Variants in FGF12 observed in about 807,000 individuals in gnomAD.
FGF12 encodes the protein fibroblast growth factor 12.
Under a neutral mutation model 23.6 loss-of-function variants are expected in FGF12, and 14 were observed. The ratio of observed to expected loss-of-function variants is 0.59; its 90% CI spans 0.39 to 0.93. The LOEUF (loss-of-function observed/expected upper bound fraction) is 0.93. Among genes scored for constraint, FGF12 ranks in the 40% least tolerant of loss-of-function variants. The pLI is 0.00. For missense variants in FGF12, 175 were observed against 217.8 expected (o/e 0.80, Z 1.24); for synonymous variants, 62 against 77.3 (o/e 0.80, Z 1.04).
At chr3:192,483,277 C>CA (rs1293843759) in intron 2 of FGF12, among the ~76,000 whole-genome samples, 1 of 152,138 alleles carries the variant, frequency 6.6e-6, no homozygotes, top group Non-Finnish European at 1.5e-5. Flanking sequence ...AAGCCCAGTT[C>CA]AAATGCCCCC....
chr3:192,330,801 A>G (rs1717075993), intron 4 of FGF12, among the ~76,000 whole-genome samples: 2 of 152,194 alleles, frequency 1.3e-5, no homozygotes, highest in Admixed American at 6.5e-5. Context: ...TTTGGCAACT[A>G]TATCTTGGAT....
intron 4 of FGF12, among the ~76,000 whole-genome samples, chr3:192,335,117 C>T (rs1405505548): frequency 6.6e-6 from 1 of 152,108 alleles, no homozygotes; most frequent in Non-Finnish European, 1.5e-5. Flanking sequence ...GAGTATCCTG[C>T]AGAAATGGAA....
At chr3:192,561,243 A>G (rs1326351876) in intron 2 of FGF12, among the ~76,000 whole-genome samples, 1 of 152,212 alleles carries the variant, frequency 6.6e-6, no homozygotes, top group Non-Finnish European at 1.5e-5. Context: ...TAAAATAAGC[A>G]AAATATTTGA....
intron 2 of FGF12, among the ~76,000 whole-genome samples, chr3:192,695,859 G>T (rs1485977600): frequency 6.6e-6 from 1 of 152,136 alleles, no homozygotes; most frequent in Non-Finnish European, 1.5e-5. Flanking sequence ...AGTACTTTAG[G>T]AGGCCATGGA....
chr3:192,379,831 C>T (rs1444859645), intron 2 of FGF12, among the ~76,000 whole-genome samples: 2 of 152,206 alleles, frequency 1.3e-5, no homozygotes, highest in East Asian at 3.8e-4. Context: ...GCCATTCACT[C>T]CATTACTCAG....
At position 192,408,463 on chromosome 3, in the gene FGF12, G is replaced by T; in HGVS notation, c.14-47925C>A. On this transcript the variant is annotated intron_variant, in intron 2 of 5. Transcript: ENST00000445105. This position sits in a 1 kb window ranked among gnomAD's most constrained non-coding sequence, Gnocchi z 7.3. ...ACTTCCCCAACCTCTGGCGGCCGGG[G>T]GGCGGGGCGGGGCGGTCCCAGGCCC... 1 of 1,355,656 alleles carries T rather than the reference G, an allele frequency of 7.4e-7. No individual in the cohort carries two copies. The highest frequency in any genetic ancestry group is 3.5e-5 in the Admixed American group (1 of 28,390). The allele number at this position is 1,355,656 out of a possible 1,614,324, so 84.0% of individuals were successfully genotyped here. A position where few individuals can be genotyped will look rare whatever the true frequency, so the allele number is the denominator to read the frequency against.
At chr3:192,158,348 T>TTC (rs755884279) in intron 5 of FGF12, among the ~76,000 whole-genome samples, 1,129 of 95,842 alleles carry the variant, frequency 0.012, 12 homozygotes, top group East Asian at 0.042. Context: ...CTTTCTTTCT[T>TTC]TCTTTCTTTC....
At chr3:192,247,023 G>GGAAAGAA (rs1711640191) in intron 4 of FGF12, among the ~76,000 whole-genome samples, 1 of 129,944 alleles carries the variant, frequency 7.7e-6, no homozygotes, top group Non-Finnish European at 1.6e-5. Context: ...AAGGGAGGGA[G>GGAAAGAA]GGAAGGAAAG....
At chr3:192,300,786 G>C (rs1715305826) in intron 4 of FGF12, among the ~76,000 whole-genome samples, 1 of 152,044 alleles carries the variant, frequency 6.6e-6, no homozygotes, top group African/African-American at 2.4e-5. Context: ...GGAGGCCAAG[G>C]GGGGCTGAGC....
chr3:192,464,972 C>A (rs1312095168), intron 2 of FGF12, among the ~76,000 whole-genome samples: 1 of 152,132 alleles, frequency 6.6e-6, no homozygotes, highest in African/African-American at 2.4e-5. Context: ...AAAAGGCCCC[C>A]AAATATCCCG....
rs183366440 is a variant in FGF12 at position 192,600,237 on chromosome 3, T to C, written c.13+126944A>G. ...TTAATTTCTGGACCCTGTCATCTGT[T>C]CCATTGGTCTATGTGTCTGTTTTTA... On this transcript the variant is annotated intron_variant, in intron 2 of 5. Transcript: ENST00000445105. Among the ~76,000 whole-genome samples, 201 of 149,718 alleles carry C rather than the reference T, an allele frequency of 1.3e-3. 1 individual carries two copies. Among genetic ancestry groups the C allele is most frequent in the African/African-American group, 4.7e-3 (190 of 40,682 alleles).
At chr3:192,584,388 A>G (rs1433669117) in intron 2 of FGF12, among the ~76,000 whole-genome samples, 1 of 151,916 alleles carries the variant, frequency 6.6e-6, no homozygotes, top group African/African-American at 2.4e-5. Flanking sequence ...ATTTTTATCT[A>G]GTATATTAGC....
At chr3:192,457,229 A>C (rs543929349) in intron 2 of FGF12, among the ~76,000 whole-genome samples, 1 of 152,316 alleles carries the variant, frequency 6.6e-6, no homozygotes, top group African/African-American at 2.4e-5. Context: ...AAAATGTGCT[A>C]ATACAGTAAA....
chr3:192,400,599 C>T (rs779284719), intron 2 of FGF12, among the ~76,000 whole-genome samples: 24 of 152,186 alleles, frequency 1.6e-4, no homozygotes, highest in African/African-American at 4.6e-4. Flanking sequence ...GAACTCCTGA[C>T]GTTGTGATCC....
intron 2 of FGF12, among the ~76,000 whole-genome samples, chr3:192,680,095 T>G (rs371315148): frequency 5.9e-5 from 9 of 152,304 alleles, no homozygotes; most frequent in East Asian, 3.9e-4. Context: ...ATGTTTCGCA[T>G]TGCCTCAGTG....
At chr3:192,326,085 T>C (rs1286395182) in intron 4 of FGF12, among the ~76,000 whole-genome samples, 1 of 152,164 alleles carries the variant, frequency 6.6e-6, no homozygotes, top group Non-Finnish European at 1.5e-5. Flanking sequence ...TCAGCAGATG[T>C]CTGAACATTG....
intron 4 of FGF12, among the ~76,000 whole-genome samples, chr3:192,181,512 A>T (rs1716173118): frequency 6.6e-6 from 1 of 152,210 alleles, no homozygotes; most frequent in African/African-American, 2.4e-5. Flanking sequence ...ATAAATGTCT[A>T]ACATACAATA....
intron 4 of FGF12, among the ~76,000 whole-genome samples, chr3:192,322,754 A>C (rs1716617329): frequency 1.3e-5 from 2 of 152,166 alleles, no homozygotes; most frequent in Admixed American, 6.5e-5. Flanking sequence ...TGGGGAAAGG[A>C]GTCTCTTTGA....
chr3:192,530,907 C>T (rs754054113), intron 2 of FGF12, among the ~76,000 whole-genome samples: 6 of 152,130 alleles, frequency 3.9e-5, no homozygotes, highest in African/African-American at 7.2e-5. Context: ...CTTCACCTAC[C>T]GGGTTTGAGC....
Sources: gnomAD v4.1 joint callset for allele counts (sites outside exome capture counted in the v4.1 genomes callset) on GRCh38, gnomAD v4.1.1 for gene constraint, Gnocchi (gnomAD v3.1) non-coding constraint, MANE v1.5 for transcripts, NCBI Gene and HGNC (gene_info 2026-07-23, HGNC 2026-07-21) for gene names.